MRPL15: variants seen among roughly 807,000 people sequenced by gnomAD.
MRPL15 encodes the protein large ribosomal subunit protein uL15m.
In MRPL15, 24 loss-of-function variants were observed where a neutral mutation model predicts 28.0. That is an observed-to-expected ratio of 0.86 (90% CI 0.62 to 1.21). The LOEUF is 1.21. MRPL15 is among the 50% of genes most tolerant of loss of function. The probability of loss-of-function intolerance (pLI) is 0.00; values close to 1 mark genes in which losing one functional copy is unlikely to be tolerated. For missense variants in MRPL15, 343 were observed against 372.4 expected (o/e 0.92, Z 0.65); for synonymous variants, 124 against 137.0 (o/e 0.90, Z 0.66).
At chr8:54,138,848 C>T (rs570995803) in intron 3 of MRPL15, among the ~76,000 whole-genome samples, 1 of 151,560 alleles carries the variant, frequency 6.6e-6, no homozygotes, top group South Asian at 2.1e-4. Flanking sequence ...TTTTTTGAGA[C>T]AGTATCTCAC....
intron 4 of MRPL15, 126 bp downstream of exon 4, chr8:54,142,912 AT>A: frequency 7.7e-7 from 1 of 1,295,440 alleles, no homozygotes. Flanking sequence ...TACATCTACC[AT>A]ATGGATTATT....
intron 4 of MRPL15, 51 bp downstream of exon 4, chr8:54,142,837 G>T: frequency 6.2e-7 from 1 of 1,605,862 alleles, no homozygotes. Flanking sequence ...TCTCATGTTG[G>T]CTACTAATTT....
chr8:54,138,299 A>ATTTT (rs1788335054), intron 3 of MRPL15, among the ~76,000 whole-genome samples: 2 of 69,154 alleles, frequency 2.9e-5, no homozygotes, highest in Non-Finnish European at 4.9e-5. Flanking sequence ...TATCAGGAAG[A>ATTTT]TCTTTTTTTT....
intron 1 of MRPL15, among the ~76,000 whole-genome samples, chr8:54,135,872 G>A (rs887474604): frequency 2.6e-4 from 40 of 152,282 alleles, no homozygotes; most frequent in Admixed American, 5.2e-4. Flanking sequence ...GATACCAGGC[G>A]GAGAAGCCGA....
chr8:54,147,367 T>G lies in MRPL15; in HGVS notation c.554-15T>G, dbSNP rs12679103. 0.19 allele frequency: 295,687 copies of G among 1,572,586 alleles called. 40,149 individuals carry two copies. The highest frequency in any genetic ancestry group is 0.71 in the East Asian group (31,392 of 44,498). ...ATATTTGCATCTCACTTTTTAAATT[T>G]AAATTTTCTTTTAGACATTGTATGC... On this transcript the variant is annotated splice_polypyrimidine_tract_variant and intron_variant, in intron 4 of 4. Coordinates refer to ENST00000260102, the MANE Select transcript of MRPL15 (RefSeq NM_014175.4).
chr8:54,136,872 A>G (rs1780034376), intron 2 of MRPL15, among the ~76,000 whole-genome samples: 1 of 152,222 alleles, frequency 6.6e-6, no homozygotes, highest in South Asian at 2.1e-4. Flanking sequence ...TAGACCTGCA[A>G]AATGGAGATT....
At position 54,135,258 on chromosome 8, in the gene MRPL15, C is replaced by T. The variant is rs199847553; in HGVS notation, c.-26C>T. 7.7e-6 allele frequency: 10 copies of T among 1,306,868 alleles called. No individual in the cohort carries two copies. The East Asian group carries it at 3.1e-4, about 41-fold the overall frequency. The allele number at this position is 1,306,868 out of a possible 1,614,324, so 81.0% of individuals were successfully genotyped here. On this transcript the variant is annotated 5_prime_UTR_variant, in exon 1 of 5. Transcript: ENST00000260102. Reference sequence around the variant, plus strand: ...TGGCCTCCGAGCAGCTCAGGGCGCCCTTGAAAGTTCTTGGATCTGCGGGTT... The same window carrying T: ...TGGCCTCCGAGCAGCTCAGGGCGCCTTTGAAAGTTCTTGGATCTGCGGGTT...
chr8:54,135,570 C>CTTT lies in MRPL15; in HGVS notation c.108+201_108+203dup, dbSNP rs537299219. On this transcript the variant is annotated intron_variant, in intron 1 of 4. Coordinates refer to ENST00000260102, the MANE Select transcript of MRPL15 (RefSeq NM_014175.4). The stretch of plus-strand genomic sequence containing the variant: ...GGAATCTTTCCACGTGCACCCAGTT[C>CTTT]TTTTTTTTTTTTTTTTTTTTTTTTC... 7.9e-4 allele frequency among the ~76,000 whole-genome samples: 92 copies of CTTT among 116,890 alleles called. 1 individual carries two copies. Among genetic ancestry groups the CTTT allele is most frequent in the African/African-American group, 2.3e-3 (76 of 33,548 alleles). 76.7% of individuals were successfully genotyped at this position (116,890 alleles called of 152,430 possible).
At chr8:54,140,469 G>A (rs1191229439) in intron 3 of MRPL15, among the ~76,000 whole-genome samples, 1 of 151,018 alleles carries the variant, frequency 6.6e-6, no homozygotes, top group Non-Finnish European at 1.5e-5. Context: ...TACCATGTTG[G>A]CCAGGCTGGT....
chr8:54,140,357 G>C (rs952384047), intron 3 of MRPL15, among the ~76,000 whole-genome samples: 1 of 151,482 alleles, frequency 6.6e-6, no homozygotes, highest in Admixed American at 6.6e-5. Flanking sequence ...TCCACCTTGG[G>C]TTTAAGCCAT....
chr8:54,139,715 TG>T (rs1426025135), intron 3 of MRPL15, among the ~76,000 whole-genome samples: 1 of 152,248 alleles, frequency 6.6e-6, no homozygotes, highest in African/African-American at 2.4e-5. Flanking sequence ...ATTTCAGATT[TG>T]TAGTAAATAG....
chr8:54,146,008 C>G (rs554092575), intron 4 of MRPL15, among the ~76,000 whole-genome samples: 1 of 152,258 alleles, frequency 6.6e-6, no homozygotes, highest in East Asian at 1.9e-4. Context: ...TCTCATTTGC[C>G]CTGTGTGGAG....
intron 2 of MRPL15, 116 bp from the exon 3 acceptor site, chr8:54,137,152 G>A: frequency 3.9e-6 from 4 of 1,022,764 alleles, no homozygotes; most frequent in Non-Finnish European, 5.8e-6. Flanking sequence ...CACTCAAGAG[G>A]GTTTTGTTTA....
chr8:54,144,506 C>T (rs1238373376), intron 4 of MRPL15, among the ~76,000 whole-genome samples: 2 of 152,208 alleles, frequency 1.3e-5, no homozygotes, highest in Admixed American at 1.3e-4. Context: ...CGCAGTGGCT[C>T]ATTCCTGTAA....
At chr8:54,137,175 T>C in intron 2 of MRPL15, 93 bp from the exon 3 acceptor site, 1 of 1,266,602 alleles carries the variant, frequency 7.9e-7, no homozygotes, top group Non-Finnish European at 1.1e-6. Flanking sequence ...TAAATAAAAT[T>C]GGTGGAGGAA....
intron 2 of MRPL15, 108 bp from the exon 3 acceptor site, chr8:54,137,160 T>C: frequency 8.8e-7 from 1 of 1,132,960 alleles, no homozygotes; most frequent in African/African-American, 1.6e-5. Context: ...AGGGTTTTGT[T>C]TAGTTAAATA....
At chr8:54,147,271 C>A in intron 4 of MRPL15, 111 bp from the exon 5 acceptor site, 2 of 763,268 alleles carry the variant, frequency 2.6e-6, no homozygotes, top group Non-Finnish European at 3.9e-6. Flanking sequence ...AAGAGAAACT[C>A]TGTAACATCT....
chr8:54,140,271 T>C (rs557143332), intron 3 of MRPL15, among the ~76,000 whole-genome samples: 20 of 152,210 alleles, frequency 1.3e-4, no homozygotes, highest in Non-Finnish European at 2.6e-4. Context: ...TTTTTTATTT[T>C]TTTTGAGATG....
Position 54,142,805 on chromosome 8 carries a change from C to A in MRPL15, c.553+19C>A. ...AGTCTGGGTAAGTTTGTTCCACGGTCATTTTCTTCTTTCTCTCTTTGTCTC... is the reference window on the plus strand; with the variant it reads ...AGTCTGGGTAAGTTTGTTCCACGGTAATTTTCTTCTTTCTCTCTTTGTCTC... On this transcript the variant is annotated intron_variant, in intron 4 of 4. Transcript: ENST00000260102. The A allele has an allele frequency of 1.2e-6, 2 of 1,609,982 alleles. No homozygotes were observed. Among genetic ancestry groups the A allele is most frequent in the South Asian group, 2.2e-5 (2 of 89,562 alleles).
Sources: gnomAD v4.1 joint callset for allele counts (sites outside exome capture counted in the v4.1 genomes callset) on GRCh38, gnomAD v4.1.1 for gene constraint, MANE v1.5 for transcripts, NCBI Gene and HGNC (gene_info 2026-07-23, HGNC 2026-07-21) for gene names.